The following NR3C2 variants were observed in gnomAD, a reference collection of about 807,000 sequenced individuals.
NR3C2 encodes mineralocorticoid receptor.
NR3C2 carries 15 observed loss-of-function variants against 86.4 expected under a neutral mutation model. The ratio of observed to expected loss-of-function variants is 0.17; its 90% confidence interval spans 0.12 to 0.27. The LOEUF (loss-of-function observed/expected upper bound fraction) is 0.27. Among genes scored for constraint, NR3C2 ranks in the 10% least tolerant of loss-of-function variants. The pLI, the probability that NR3C2 is intolerant of heterozygous loss-of-function variation, is 1.00. For synonymous variants in NR3C2, 458 were observed against 450.5 expected (o/e 1.02, Z -0.21); for missense variants, 960 against 1,195.6 (o/e 0.80, Z 2.91).
chr4:148,235,453 T>C lies in NR3C2; in HGVS notation c.1897+24525A>G, dbSNP rs141296104. On this transcript the variant is annotated intron_variant, in intron 3 of 8. Coordinates refer to ENST00000358102, the MANE Select transcript of NR3C2 (RefSeq NM_000901.5). ...TATTTTATCTTCTTTTGTGTGTTTG[T>C]AAAAGTCTGCGTATTAAGTTTTAAA... Among the ~76,000 whole-genome samples the C allele has an allele frequency of 3.4e-3, 514 of 152,174 alleles. 2 individuals carry two copies. Among genetic ancestry groups the C allele is most frequent in the African/African-American group, 0.012 (494 of 41,550 alleles).
At chr4:148,335,301 A>G (rs1195174674) in intron 2 of NR3C2, among the ~76,000 whole-genome samples, 5 of 152,208 alleles carry the variant, frequency 3.3e-5, no homozygotes, top group African/African-American at 1.2e-4. Flanking sequence ...TTCTGTATTT[A>G]TTTATCAACA....
intron 2 of NR3C2, among the ~76,000 whole-genome samples, chr4:148,313,908 A>G (rs1481545231): frequency 6.6e-6 from 1 of 152,244 alleles, no homozygotes; most frequent in East Asian, 1.9e-4. Flanking sequence ...GAGTTTTATT[A>G]TAATGGTTAA....
intron 3 of NR3C2, chr4:148,208,117 T>C (rs1035519276): frequency 2.0e-5 from 3 of 152,218 alleles, no homozygotes; most frequent in African/African-American, 7.2e-5. Context: ...ACAAACTTTC[T>C]ACTCTTCCCC....
intron 2 of NR3C2, among the ~76,000 whole-genome samples, chr4:148,426,186 A>G (rs1749520006): frequency 6.6e-6 from 1 of 152,164 alleles, no homozygotes; most frequent in Non-Finnish European, 1.5e-5. Context: ...AAGAGTAAGC[A>G]TTGTGCCTCC....
intron 2 of NR3C2, among the ~76,000 whole-genome samples, chr4:148,430,353 T>C (rs893849270): frequency 6.6e-6 from 1 of 152,128 alleles, no homozygotes; most frequent in Non-Finnish European, 1.5e-5. Flanking sequence ...ACGATATTTG[T>C]GATGTTTAAA....
intron 1 of NR3C2, 140 bp from the exon 2 acceptor site, chr4:148,437,002 T>C: frequency 1.4e-6 from 1 of 716,616 alleles, no homozygotes; most frequent in Non-Finnish European, 2.3e-6. Context: ...TTAAAACTGT[T>C]ACCTTTTTGG....
intron 4 of NR3C2, among the ~76,000 whole-genome samples, chr4:148,158,121 G>A (rs371874893): frequency 6.7e-4 from 102 of 152,288 alleles, no homozygotes; most frequent in African/African-American, 1.9e-3. Flanking sequence ...TCATATTCAC[G>A]TATGTTAATG....
At chr4:148,377,472 G>C (rs1223701392) in intron 2 of NR3C2, among the ~76,000 whole-genome samples, 1 of 152,202 alleles carries the variant, frequency 6.6e-6, no homozygotes, top group Admixed American at 6.5e-5. Flanking sequence ...CAAGGGATTG[G>C]CTCAGTGGCA....
chr4:148,130,809 G>GTTTTTTTTTTT (rs1326806513), intron 6 of NR3C2, among the ~76,000 whole-genome samples: 1 of 52,184 alleles, frequency 1.9e-5, no homozygotes, highest in Admixed American at 2.0e-4. Context: ...GTTTTGTTTT[G>GTTTTTTTTTTT]TTTTGTTTTG....
At chr4:148,281,972 T>C (rs1038033486) in intron 2 of NR3C2, among the ~76,000 whole-genome samples, 1 of 152,232 alleles carries the variant, frequency 6.6e-6, no homozygotes, top group Non-Finnish European at 1.5e-5. Flanking sequence ...CTTGAAGCAT[T>C]GGTAAGATTT....
rs1013352199 is a variant in NR3C2 at position 148,321,974 on chromosome 4, T to G, written c.1758-61857A>C. 1.6e-4 allele frequency among the ~76,000 whole-genome samples: 25 copies of G among 152,200 alleles called. 1 individual carries two copies. Among genetic ancestry groups the G allele is most frequent in the East Asian group, 3.8e-4 (2 of 5,200 alleles). On this transcript the variant is annotated intron_variant, in intron 2 of 8. Transcript: ENST00000358102. Reference sequence around the variant, plus strand: ...ATTTGATGCAGTTTCTTCCTAGTCTTGATGGTCTTTACATTTTGGCATGAT... The same window carrying G: ...ATTTGATGCAGTTTCTTCCTAGTCTGGATGGTCTTTACATTTTGGCATGAT...
At chr4:148,394,374 G>GAA (rs139100024) in intron 2 of NR3C2, among the ~76,000 whole-genome samples, 9 of 145,668 alleles carry the variant, frequency 6.2e-5, no homozygotes, top group African/African-American at 2.3e-4. Context: ...GTACTATCTT[G>GAA]AAAAAAAAAA....
chr4:148,360,998 C>T (rs1745807543), intron 2 of NR3C2, among the ~76,000 whole-genome samples: 1 of 152,128 alleles, frequency 6.6e-6, no homozygotes, highest in African/African-American at 2.4e-5. Flanking sequence ...AACATAAACA[C>T]CCTGAATTGT....
At chr4:148,388,997 T>A (rs748300746) in intron 2 of NR3C2, among the ~76,000 whole-genome samples, 1 of 152,250 alleles carries the variant, frequency 6.6e-6, no homozygotes, top group Non-Finnish European at 1.5e-5. Flanking sequence ...GGCTACCAGA[T>A]TATACCTAAT....
In NR3C2 at chr4:148,078,840, T is replaced by C. The variant is rs560896990; in HGVS notation, c.*2504A>G. The C allele has an allele frequency of 1.3e-5, 2 of 152,808 alleles. No homozygotes were observed. Among genetic ancestry groups the C allele is most frequent in the South Asian group, 2.1e-4 (1 of 4,830 alleles). 9.5% of individuals were successfully genotyped at this position (152,808 alleles called of 1,614,324 possible). ...AGACATATGTTTTTGCATAAAGATATAAATTGCTTCATTTTAAACTAATTT... is the reference window on the plus strand; with the variant it reads ...AGACATATGTTTTTGCATAAAGATACAAATTGCTTCATTTTAAACTAATTT... On this transcript the variant is annotated 3_prime_UTR_variant, in exon 9 of 9. Transcript: ENST00000358102.
At chr4:148,168,955 C>CT (rs1460936664) in intron 4 of NR3C2, among the ~76,000 whole-genome samples, 1 of 152,154 alleles carries the variant, frequency 6.6e-6, no homozygotes, top group Non-Finnish European at 1.5e-5. Flanking sequence ...ATGCATCACT[C>CT]TAACTGTAAA....
At chr4:148,438,252 T>C (rs910638905) in intron 1 of NR3C2, among the ~76,000 whole-genome samples, 7 of 152,154 alleles carry the variant, frequency 4.6e-5, no homozygotes, top group Non-Finnish European at 7.3e-5. Context: ...TAGATGCCAG[T>C]AGCATTCCAC....
chr4:148,409,082 G>C (rs144480417), intron 2 of NR3C2, among the ~76,000 whole-genome samples: 1 of 152,004 alleles, frequency 6.6e-6, no homozygotes, highest in African/African-American at 2.4e-5. Flanking sequence ...CCCTAGGATC[G>C]TTTCCTAGAA....
intron 6 of NR3C2, among the ~76,000 whole-genome samples, chr4:148,129,533 T>C (rs1454457972): frequency 6.6e-6 from 1 of 152,232 alleles, no homozygotes; most frequent in Non-Finnish European, 1.5e-5. Flanking sequence ...AACTAAAATA[T>C]GTTTTGAAAA....
Sources: allele counts gnomAD v4.1 joint callset (sites outside exome capture counted in the v4.1 genomes callset), GRCh38; gene constraint gnomAD v4.1.1; transcripts MANE v1.5; gene names NCBI Gene and HGNC (gene_info 2026-07-23, HGNC 2026-07-21).